RAB22A: variants seen among roughly 807,000 people sequenced by gnomAD.
RAB22A encodes ras-related protein Rab-22A.
In RAB22A, 13 loss-of-function variants were observed where a neutral mutation model predicts 30.2. The ratio of observed to expected loss-of-function variants is 0.43; its 90% CI spans 0.28 to 0.68. The LOEUF is 0.68. Among genes scored for constraint, RAB22A ranks in the 30% least tolerant of loss-of-function variants. The pLI is 0.18. For synonymous variants in RAB22A, 89 were observed against 87.2 expected (o/e 1.02, Z -0.11); for missense variants, 177 against 246.8 (o/e 0.72, Z 1.89).
chr20:58,344,814 C>T (rs1246631954), intron 3 of RAB22A, among the ~76,000 whole-genome samples: 1 of 152,214 alleles, frequency 6.6e-6, no homozygotes, highest in African/African-American at 2.4e-5. Flanking sequence ...TAGACATAGA[C>T]TCCATGCATT....
intron 6 of RAB22A, among the ~76,000 whole-genome samples, chr20:58,355,820 G>T (rs577802860): frequency 1.3e-5 from 2 of 152,090 alleles, no homozygotes; most frequent in Admixed American, 6.5e-5. Flanking sequence ...GCAAAACCCT[G>T]TCTCTTAAAA....
chr20:58,324,038 A>G (rs1335462242), intron 2 of RAB22A, among the ~76,000 whole-genome samples: 1 of 152,148 alleles, frequency 6.6e-6, no homozygotes, highest in Non-Finnish European at 1.5e-5. Flanking sequence ...ACTATCATAT[A>G]AATACTTTTT....
At chr20:58,330,976 T>C (rs2122944145) in intron 2 of RAB22A, among the ~76,000 whole-genome samples, 1 of 152,316 alleles carries the variant, frequency 6.6e-6, no homozygotes, top group East Asian at 1.9e-4. Flanking sequence ...ACATCCCCTC[T>C]CTATTTCCAG....
chr20:58,328,087 A>G (rs938643077), intron 2 of RAB22A, among the ~76,000 whole-genome samples: 1 of 152,186 alleles, frequency 6.6e-6, no homozygotes, highest in African/African-American at 2.4e-5. Context: ...TCTTGATTGT[A>G]ATTAATCTAC....
At chr20:58,318,993 A>G (rs1196537205) in intron 2 of RAB22A, among the ~76,000 whole-genome samples, 1 of 152,246 alleles carries the variant, frequency 6.6e-6, no homozygotes, top group Non-Finnish European at 1.5e-5. Context: ...TCGTATGGAA[A>G]GCATTTGTTA....
Position 58,365,068 on chromosome 20 carries a change from G to A in RAB22A, c.*5365G>A, listed in dbSNP as rs1480550245. On this transcript the variant is annotated 3_prime_UTR_variant, in exon 7 of 7. Coordinates refer to ENST00000244040, the MANE Select transcript of RAB22A (RefSeq NM_020673.3). ...TTTTTTTAAAGGGCCTTTCTTAATT[G>A]ACAGTTTTAAGCTGTAGACATTAAT... 6.6e-6 allele frequency: 1 copy of A among 152,072 alleles called. No homozygotes were observed. The highest frequency in any genetic ancestry group is 1.5e-5 in the Non-Finnish European group (1 of 68,020). The allele number at this position is 152,072 out of a possible 1,614,324, so 9.4% of individuals were successfully genotyped here. A position where few individuals can be genotyped will look rare whatever the true frequency, so the allele number is the denominator to read the frequency against.
intron 2 of RAB22A, 124 bp downstream of exon 2, chr20:58,311,246 ATC>A (rs1306646263): frequency 1.1e-6 from 1 of 918,494 alleles, no homozygotes; most frequent in Non-Finnish European, 1.8e-6. Flanking sequence ...GGTTCGCATC[ATC>A]TCTGGAAGGA....
At chr20:58,333,307 A>AAATAAATAAATC (rs1193519347) in intron 2 of RAB22A, among the ~76,000 whole-genome samples, 13 of 151,652 alleles carry the variant, frequency 8.6e-5, no homozygotes, top group East Asian at 7.8e-4. Flanking sequence ...ATAAATAAAT[A>AAATAAATAAATC]AATCCCGCCA....
chr20:58,328,564 G>A (rs549264964), intron 2 of RAB22A, among the ~76,000 whole-genome samples: 3 of 152,040 alleles, frequency 2.0e-5, no homozygotes, highest in South Asian at 2.1e-4. Context: ...TGTATTTCCC[G>A]CCGCCCCCCA....
At chr20:58,356,674 A>G (rs1355040029) in intron 6 of RAB22A, among the ~76,000 whole-genome samples, 1 of 152,134 alleles carries the variant, frequency 6.6e-6, no homozygotes, top group Non-Finnish European at 1.5e-5. Flanking sequence ...AATTCTTCAG[A>G]TTGGTTTATC....
chr20:58,313,794 C>G (rs1409130002), intron 2 of RAB22A, among the ~76,000 whole-genome samples: 2 of 152,194 alleles, frequency 1.3e-5, no homozygotes, highest in Admixed American at 1.3e-4. Flanking sequence ...CCGCCTCCTG[C>G]TTTTGTAAAT....
intron 6 of RAB22A, among the ~76,000 whole-genome samples, chr20:58,356,774 A>T (rs1230285974): frequency 6.6e-6 from 1 of 151,996 alleles, no homozygotes; most frequent in Non-Finnish European, 1.5e-5. Flanking sequence ...TCTGCATTAC[A>T]TTTTTAGACC....
chr20:58,323,779 C>T (rs1406813964), intron 2 of RAB22A, among the ~76,000 whole-genome samples: 6 of 151,454 alleles, frequency 4.0e-5, no homozygotes. Context: ...AGCAGAAGCA[C>T]CTTTATTTTG....
At chr20:58,343,413 A>G (rs1161115545) in intron 2 of RAB22A, among the ~76,000 whole-genome samples, 1 of 152,104 alleles carries the variant, frequency 6.6e-6, no homozygotes, top group East Asian at 1.9e-4. Flanking sequence ...CTCTTTAAAT[A>G]ACAGGTTTTG....
At chr20:58,346,851 T>G (rs1986957933) in intron 3 of RAB22A, among the ~76,000 whole-genome samples, 1 of 152,228 alleles carries the variant, frequency 6.6e-6, no homozygotes, top group Non-Finnish European at 1.5e-5. Context: ...AGTCTTTGAT[T>G]GCTGTCATCC....
rs1391897801 is a variant in RAB22A at position 58,365,105 on chromosome 20, C to G, written c.*5402C>G. 6.6e-6 allele frequency: 1 copy of G among 152,148 alleles called. No homozygotes were observed. Among genetic ancestry groups the G allele is most frequent in the African/African-American group, 2.4e-5 (1 of 41,424 alleles). The allele number at this position is 152,148 out of a possible 1,614,324, so 9.4% of individuals were successfully genotyped here. ...CTGTAGACATTAATATTATAACAAA[C>G]AAAACATGCCAGTTTTACTGATTCC... is the stretch of plus-strand genomic sequence containing the variant. On this transcript the variant is annotated 3_prime_UTR_variant, in exon 7 of 7. Transcript: ENST00000244040.
chr20:58,349,201 A>G (rs1005366969), intron 3 of RAB22A, among the ~76,000 whole-genome samples: 1 of 152,242 alleles, frequency 6.6e-6, no homozygotes, highest in African/African-American at 2.4e-5. Flanking sequence ...GCTTTAAAAA[A>G]ACAACTGTTT....
At chr20:58,338,113 A>G (rs924552347) in intron 2 of RAB22A, among the ~76,000 whole-genome samples, 2 of 151,634 alleles carry the variant, frequency 1.3e-5, no homozygotes, top group Non-Finnish European at 2.9e-5. Context: ...TGCATCCTCC[A>G]TCTCCTGGGT....
intron 2 of RAB22A, among the ~76,000 whole-genome samples, chr20:58,314,751 G>A (rs1219854575): frequency 6.6e-6 from 1 of 152,048 alleles, no homozygotes. Context: ...TGAGACAGGA[G>A]AATTGCTTAA....
Sources: allele counts gnomAD v4.1 joint callset (sites outside exome capture counted in the v4.1 genomes callset), GRCh38; gene constraint gnomAD v4.1.1; transcripts MANE v1.5; gene names NCBI Gene and HGNC (gene_info 2026-07-23, HGNC 2026-07-21).